The following MEMO1 variants were observed in gnomAD, a reference collection of about 807,000 sequenced individuals.
The protein encoded by MEMO1 is mediator of cell motility 1, also known as protein MEMO1.
In MEMO1, 6 loss-of-function variants were observed where a neutral mutation model predicts 45.2. That is an observed-to-expected ratio of 0.13 (90% CI 0.07 to 0.26). The LOEUF is 0.26. MEMO1 is among the 10% of genes least tolerant of loss of function. The probability of loss-of-function intolerance (pLI) is 1.00; values close to 1 mark genes in which losing one functional copy is unlikely to be tolerated. For missense variants in MEMO1, 184 were observed against 370.5 expected (o/e 0.50, Z 4.13); for synonymous variants, 78 against 124.3 (o/e 0.63, Z 2.48).
intron 4 of MEMO1, among the ~76,000 whole-genome samples, chr2:31,928,518 G>A (rs2148228068): frequency 7.1e-6 from 1 of 141,034 alleles, no homozygotes; most frequent in Non-Finnish European, 1.5e-5. Context: ...CTACACTCCA[G>A]CCTGGGTGAC....
intron 2 of MEMO1, among the ~76,000 whole-genome samples, chr2:31,969,587 GTGTGTGT>G (rs1558541990): frequency 5.0e-4 from 16 of 32,064 alleles, no homozygotes; most frequent in Admixed American, 2.1e-3. Flanking sequence ...GTGTGTGTGG[GTGTGTGT>G]GTGTGTGTGT....
chr2:31,998,176 C>T (rs1251628578), intron 2 of MEMO1, among the ~76,000 whole-genome samples: 1 of 152,156 alleles, frequency 6.6e-6, no homozygotes, highest in Admixed American at 6.5e-5. Flanking sequence ...CCAACCACAC[C>T]TGGCTAATTT....
At chr2:31,882,617 C>A (rs774986177) in intron 8 of MEMO1, among the ~76,000 whole-genome samples, 6 of 151,996 alleles carry the variant, frequency 3.9e-5, no homozygotes, top group Non-Finnish European at 7.4e-5. Flanking sequence ...AACAAACATG[C>A]CTGAAATTTT....
intron 2 of MEMO1, among the ~76,000 whole-genome samples, chr2:32,006,991 GTGAGAA>G (rs1167902475): frequency 1.9e-4 from 27 of 143,770 alleles, no homozygotes; most frequent in African/African-American, 6.8e-4. Flanking sequence ...AAAAAAAGAA[GTGAGAA>G]TGAATCATCC....
chr2:31,975,982 C>T (rs929773239), intron 2 of MEMO1, among the ~76,000 whole-genome samples: 18 of 152,152 alleles, frequency 1.2e-4, no homozygotes, highest in South Asian at 4.2e-4. Flanking sequence ...GTAACCTCTC[C>T]CAGATTCAAG....
At position 31,868,087 on chromosome 2, in the gene MEMO1, A is replaced by G. The variant is rs1235660851; in HGVS notation, c.*274T>C. ...ATGCTTTACAAGTTACTTTCAAAAA[A>G]CTGTCTGCCACAACTGAGCCTTTAC... On this transcript the variant is annotated 3_prime_UTR_variant, in exon 10 of 10. Coordinates refer to ENST00000404530, the MANE Select transcript of MEMO1 (RefSeq NM_001301833.4). The G allele has an allele frequency of 3.5e-6, 1 of 288,872 alleles. No individual in the cohort carries two copies. Among genetic ancestry groups the G allele is most frequent in the Non-Finnish European group, 6.1e-6 (1 of 165,108 alleles). The allele number at this position is 288,872 out of a possible 1,614,324, so 17.9% of individuals were successfully genotyped here. A position where few individuals can be genotyped will look rare whatever the true frequency, so the allele number is the denominator to read the frequency against.
chr2:31,932,028 T>C (rs752354630), intron 4 of MEMO1, 39 bp downstream of exon 4: 5 of 1,555,806 alleles, frequency 3.2e-6, no homozygotes, highest in Non-Finnish European at 4.4e-6. Context: ...CAATAAATTC[T>C]CAAGCTTCTC....
chr2:31,921,664 C>T (rs527610621), intron 4 of MEMO1, among the ~76,000 whole-genome samples: 2 of 152,146 alleles, frequency 1.3e-5, no homozygotes, highest in African/African-American at 4.8e-5. Flanking sequence ...AATAAAAATG[C>T]ATAATAGCAT....
At chr2:32,004,149 C>T (rs1673755303) in intron 2 of MEMO1, among the ~76,000 whole-genome samples, 3 of 151,976 alleles carry the variant, frequency 2.0e-5, no homozygotes, top group East Asian at 1.9e-4. Flanking sequence ...CCATTGCCAT[C>T]CAACTTGGGC....
At chr2:31,953,325 C>A (rs572001734) in intron 2 of MEMO1, among the ~76,000 whole-genome samples, 1 of 147,464 alleles carries the variant, frequency 6.8e-6, no homozygotes, top group South Asian at 2.2e-4. Flanking sequence ...TGAGATCATG[C>A]CATTGCACTC....
At chr2:31,909,128 C>T (rs1023805956) in intron 6 of MEMO1, among the ~76,000 whole-genome samples, 1 of 152,140 alleles carries the variant, frequency 6.6e-6, no homozygotes, top group African/African-American at 2.4e-5. Flanking sequence ...ATAAAGACCA[C>T]ATATGACAAA....
At chr2:31,982,297 G>GA (rs780168253) in intron 2 of MEMO1, among the ~76,000 whole-genome samples, 117 of 82,056 alleles carry the variant, frequency 1.4e-3, no homozygotes, top group East Asian at 2.2e-3. Context: ...CTCTGTCTTC[G>GA]AAAAAAAAAA....
intron 3 of MEMO1, among the ~76,000 whole-genome samples, chr2:31,934,410 T>C (rs1034274014): frequency 6.6e-6 from 1 of 151,646 alleles, no homozygotes; most frequent in African/African-American, 2.4e-5. Flanking sequence ...TTAGAAACAC[T>C]GGATTCTTCC....
At chr2:31,901,752 C>CA (rs1019270425) in intron 6 of MEMO1, among the ~76,000 whole-genome samples, 2 of 150,910 alleles carry the variant, frequency 1.3e-5, no homozygotes, top group South Asian at 2.1e-4. Context: ...ACTAAAAATA[C>CA]AAAAAAATTA....
intron 2 of MEMO1, among the ~76,000 whole-genome samples, chr2:31,999,386 G>A (rs1672988659): frequency 6.6e-6 from 1 of 152,150 alleles, no homozygotes; most frequent in African/African-American, 2.4e-5. Context: ...TTCTAGACTA[G>A]GCACAGTGGC....
intron 2 of MEMO1, among the ~76,000 whole-genome samples, chr2:31,965,949 T>G (rs1668564512): frequency 2.6e-5 from 4 of 152,188 alleles, no homozygotes. Context: ...ATCCTACACA[T>G]GTACCTTAGA....
intron 8 of MEMO1, among the ~76,000 whole-genome samples, chr2:31,878,215 A>T (rs1462156144): frequency 6.6e-6 from 1 of 152,162 alleles, no homozygotes; most frequent in Non-Finnish European, 1.5e-5. Context: ...TGTCCACGGT[A>T]GAGTGAAGGA....
rs1354251893 is a variant in MEMO1, at chr2:31,906,013, G to A, written c.437+11913C>T. 3.3e-5 allele frequency among the ~76,000 whole-genome samples: 5 copies of A among 149,564 alleles called. No homozygotes were observed. The South Asian group carries it at 8.4e-4, about 25-fold the overall frequency. The stretch of plus-strand genomic sequence containing the variant: ...GAGACGGAGTCTCACTCACACTGTC[G>A]CCTGGGCTGGAGTGCAATGGCGCAA... On this transcript the variant is annotated intron_variant, in intron 6 of 9. Coordinates refer to ENST00000404530, the MANE Select transcript of MEMO1 (RefSeq NM_001301833.4).
chr2:31,997,709 T>C (rs965680005), intron 2 of MEMO1, among the ~76,000 whole-genome samples: 2 of 152,066 alleles, frequency 1.3e-5, no homozygotes, highest in African/African-American at 4.8e-5. Context: ...GTAGATAAAA[T>C]GAGAAAGTTA....
Sources: gnomAD v4.1 joint callset for allele counts (sites outside exome capture counted in the v4.1 genomes callset) on GRCh38, gnomAD v4.1.1 for gene constraint, MANE v1.5 for transcripts, NCBI Gene and HGNC (gene_info 2026-07-23, HGNC 2026-07-21) for gene names.